Variants in WWOX observed in about 807,000 individuals in gnomAD.
WWOX encodes WW domain containing oxidoreductase.
A neutral mutation model predicts 46.2 loss-of-function variants in WWOX; 69 were observed. The ratio of observed to expected loss-of-function variants is 1.49; its 90% CI spans 1.23 to 1.82. The LOEUF (loss-of-function observed/expected upper bound fraction) is 1.82. Ranked by LOEUF, WWOX falls within the 40% of genes most tolerant of loss-of-function variation. The pLI is 0.00. For missense variants in WWOX, 919 were observed against 542.6 expected (o/e 1.69, Z -6.89); for synonymous variants, 359 against 202.6 (o/e 1.77, Z -6.56).
chr16:78,398,289 A>G (rs553797555), intron 6 of WWOX, among the ~76,000 whole-genome samples: 1 of 152,240 alleles, frequency 6.6e-6, no homozygotes, highest in Admixed American at 6.5e-5. Context: ...ACCTGTGGCC[A>G]TGTCTTCCCC....
intron 8 of WWOX, among the ~76,000 whole-genome samples, chr16:78,781,097 G>T (rs1339931872): frequency 6.6e-6 from 1 of 152,108 alleles, no homozygotes; most frequent in Non-Finnish European, 1.5e-5. Flanking sequence ...TAGCTTTCTA[G>T]AGCCAAACAA....
At chr16:78,579,659 C>G (rs1385415104) in intron 8 of WWOX, among the ~76,000 whole-genome samples, 1 of 152,194 alleles carries the variant, frequency 6.6e-6, no homozygotes, top group Non-Finnish European at 1.5e-5. Flanking sequence ...AAGAGATCAT[C>G]TCTGTCTCTA....
chr16:78,737,245 G>A (rs561950444), intron 8 of WWOX, among the ~76,000 whole-genome samples: 45 of 151,406 alleles, frequency 3.0e-4, no homozygotes, highest in African/African-American at 9.7e-4. Context: ...AATTACAAGC[G>A]CCCGCCACCA....
chr16:78,934,007 C>T lies in WWOX; in HGVS notation c.1057-277601C>T, dbSNP rs145790394. ...AGGAGTTTGGGGCTAGCCGAGGCAA[C>T]ACATAGAGACACCGTCTCTCAAAAA... On this transcript the variant is annotated intron_variant, in intron 8 of 8. Coordinates refer to ENST00000566780, the MANE Select transcript of WWOX (RefSeq NM_016373.4). Among the ~76,000 whole-genome samples, 9 of 151,948 alleles carry T rather than the reference C, an allele frequency of 5.9e-5. No homozygotes were observed. The East Asian group carries it at 1.8e-3, about 30-fold the overall frequency.
chr16:78,274,593 A>T (rs887224462), intron 5 of WWOX, among the ~76,000 whole-genome samples: 2 of 152,136 alleles, frequency 1.3e-5, no homozygotes, highest in Admixed American at 6.5e-5. Flanking sequence ...AACACATCCA[A>T]TGTTCAATGT....
chr16:78,364,138 C>T (rs1230907393), intron 5 of WWOX, among the ~76,000 whole-genome samples: 3 of 152,180 alleles, frequency 2.0e-5, no homozygotes, highest in African/African-American at 7.2e-5. Context: ...CTATCCGTAA[C>T]CCTCCTTTCC....
At position 79,174,840 on chromosome 16, in the gene WWOX, A is replaced by T. The variant is rs546401330; in HGVS notation, c.1057-36768A>T. ...AATACTAATTAAGAGTAAAAAGATG[A>T]TGAATAAAGTAGCTTCACTTATTGA... On this transcript the variant is annotated intron_variant, in intron 8 of 8. Coordinates refer to ENST00000566780, the MANE Select transcript of WWOX (RefSeq NM_016373.4). Among the ~76,000 whole-genome samples the T allele has an allele frequency of 4.3e-4, 65 of 152,364 alleles. 1 individual carries two copies. Among genetic ancestry groups the T allele is most frequent in the African/African-American group, 1.5e-3 (62 of 41,590 alleles).
chr16:78,788,949 T>A (rs76160161), intron 8 of WWOX, among the ~76,000 whole-genome samples: 2,738 of 152,310 alleles, frequency 0.018, 95 homozygotes, highest in African/African-American at 0.062. Context: ...AAGTTGTTTA[T>A]ATATTTTGGA....
chr16:78,280,945 T>C (rs1311960999), intron 5 of WWOX: 1 of 153,068 alleles, frequency 6.5e-6, no homozygotes, highest in East Asian at 1.9e-4. Context: ...TATGTTAACA[T>C]CACATGCAGG....
At chr16:78,426,999 C>G (rs545726309) in intron 7 of WWOX, among the ~76,000 whole-genome samples, 3 of 152,284 alleles carry the variant, frequency 2.0e-5, no homozygotes, top group Admixed American at 2.0e-4. Context: ...AACAAAATGG[C>G]AATTTCCCCA....
At chr16:79,211,322 C>T (rs2051737129) in intron 8 of WWOX, among the ~76,000 whole-genome samples, 2 of 152,284 alleles carry the variant, frequency 1.3e-5, no homozygotes, top group South Asian at 4.1e-4. Flanking sequence ...GAGGCGCCTG[C>T]CACGACGTAT....
At chr16:78,553,806 C>A (rs575226592) in intron 8 of WWOX, among the ~76,000 whole-genome samples, 2 of 151,892 alleles carry the variant, frequency 1.3e-5, no homozygotes, top group Non-Finnish European at 2.9e-5. Flanking sequence ...CCTGCAGACC[C>A]CCCTGGTGGC....
intron 8 of WWOX, among the ~76,000 whole-genome samples, chr16:79,123,944 G>A (rs974391797): frequency 2.0e-5 from 3 of 152,136 alleles, no homozygotes; most frequent in Admixed American, 2.0e-4. Context: ...CAAATCATGG[G>A]CGAATTGGTA....
At chr16:78,626,240 C>G (rs1035896623) in intron 8 of WWOX, among the ~76,000 whole-genome samples, 1 of 152,026 alleles carries the variant, frequency 6.6e-6, no homozygotes, top group Non-Finnish European at 1.5e-5. Context: ...AAGTGATTCT[C>G]CTGCCTCAGC....
At chr16:78,657,413 G>C (rs988106768) in intron 8 of WWOX, among the ~76,000 whole-genome samples, 2 of 152,114 alleles carry the variant, frequency 1.3e-5, no homozygotes, top group Admixed American at 1.3e-4. Flanking sequence ...CCAGGGCCCT[G>C]CAGCATGTCA....
intron 8 of WWOX, among the ~76,000 whole-genome samples, chr16:79,175,484 C>G (rs2050782246): frequency 6.6e-6 from 1 of 152,170 alleles, no homozygotes. Context: ...ACGTGACAAT[C>G]TGTGTCTGTG....
chr16:78,386,996 A>G (rs957961265), intron 6 of WWOX, 48 bp downstream of exon 6: 49 of 1,560,216 alleles, frequency 3.1e-5, no homozygotes, highest in Non-Finnish European at 4.2e-5. Flanking sequence ...TTGCTATTGT[A>G]ATATCTTTAT....
chr16:79,127,739 C>G (rs185546384), intron 8 of WWOX, among the ~76,000 whole-genome samples: 3 of 151,840 alleles, frequency 2.0e-5, no homozygotes, highest in African/African-American at 7.3e-5. Flanking sequence ...AAGCAACATA[C>G]GACAGTTAGG....
chr16:78,606,498 C>T (rs1296322806), intron 8 of WWOX, among the ~76,000 whole-genome samples: 4 of 151,964 alleles, frequency 2.6e-5, no homozygotes, highest in African/African-American at 4.8e-5. Flanking sequence ...CTGCTATGTC[C>T]GGGAATTTCT....
Sources: gnomAD v4.1 joint callset for allele counts (sites outside exome capture counted in the v4.1 genomes callset) on GRCh38, gnomAD v4.1.1 for gene constraint, MANE v1.5 for transcripts, NCBI Gene and HGNC (gene_info 2026-07-23, HGNC 2026-07-21) for gene names.